TSPAN2: variants seen among roughly 807,000 people sequenced by gnomAD.
TSPAN2 encodes the protein tetraspanin-2.
TSPAN2 carries 24 observed loss-of-function variants against 33.3 expected under a neutral mutation model. The observed-to-expected ratio is 0.72, with a 90% CI of 0.52 to 1.01. The LOEUF is 1.01. TSPAN2 is among the 50% of genes least tolerant of loss of function. The pLI is 0.00. For missense variants in TSPAN2, 278 were observed against 281.3 expected (o/e 0.99, Z 0.08); for synonymous variants, 114 against 104.5 (o/e 1.09, Z -0.56).
At chr1:115,087,477 G>A (rs1337766729) in intron 1 of TSPAN2, among the ~76,000 whole-genome samples, 3 of 151,882 alleles carry the variant, frequency 2.0e-5, no homozygotes, top group Admixed American at 6.6e-5. Context: ...CTAGCCAGAC[G>A]TGGCGGAGGG....
chr1:115,062,398 C>T (rs1343693052), intron 2 of TSPAN2, among the ~76,000 whole-genome samples, 166 bp from the exon 3 acceptor site: 1 of 152,124 alleles, frequency 6.6e-6, no homozygotes, highest in African/African-American at 2.4e-5. Context: ...AAAGGTAAAG[C>T]GATTTGCTTA....
chr1:115,057,755 G>A (rs1647494075), intron 5 of TSPAN2, 147 bp from the exon 6 acceptor site: 1 of 714,348 alleles, frequency 1.4e-6, no homozygotes, highest in Non-Finnish European at 2.5e-6. Flanking sequence ...TCTGGAAGGA[G>A]AGTGAAGAAT....
intron 1 of TSPAN2, among the ~76,000 whole-genome samples, chr1:115,085,407 A>G (rs1400219660): frequency 6.6e-6 from 1 of 152,216 alleles, no homozygotes; most frequent in Non-Finnish European, 1.5e-5. Flanking sequence ...ACTTAAAGCA[A>G]GCTGCCAGAG....
At chr1:115,062,319 G>C (rs1441279873) in intron 2 of TSPAN2, 87 bp from the exon 3 acceptor site, 2 of 985,342 alleles carry the variant, frequency 2.0e-6, no homozygotes, top group Non-Finnish European at 3.1e-6. Flanking sequence ...GCACTGCAGA[G>C]CATTCTAATA....
rs138176459 is a variant in TSPAN2, at chr1:115,066,793, G to A, written c.173-4561C>T. On this transcript the variant is annotated intron_variant, in intron 2 of 7. Coordinates refer to ENST00000369516, the MANE Select transcript of TSPAN2 (RefSeq NM_005725.6). The stretch of plus-strand genomic sequence containing the variant: ...TTGAATGCAACTTAGTTTTTGGGAA[G>A]GGCAAGTGTTTCAGATTTAGGATGT... Among the ~76,000 whole-genome samples the A allele has an allele frequency of 3.8e-3, 575 of 152,240 alleles. 4 individuals carry two copies. Among genetic ancestry groups the A allele is most frequent in the African/African-American group, 0.013 (548 of 41,536 alleles).
intron 1 of TSPAN2, 50 bp from the exon 2 acceptor site, chr1:115,073,057 A>G: frequency 6.6e-7 from 1 of 1,511,684 alleles, no homozygotes; most frequent in Non-Finnish European, 9.2e-7. Flanking sequence ...AAGAGCATGC[A>G]CAGATCCGAG....
At chr1:115,057,920 T>G (rs910439470) in intron 5 of TSPAN2, among the ~76,000 whole-genome samples, 6 of 152,234 alleles carry the variant, frequency 3.9e-5, no homozygotes, top group Non-Finnish European at 1.5e-5. Flanking sequence ...GGGCTTTAGA[T>G]TCCTTCTTTC....
At chr1:115,070,573 A>G (rs958042269) in intron 2 of TSPAN2, among the ~76,000 whole-genome samples, 5 of 150,682 alleles carry the variant, frequency 3.3e-5, no homozygotes, top group East Asian at 3.9e-4. Context: ...ACTGCCCACC[A>G]TGCCCTAGTC....
intron 1 of TSPAN2, among the ~76,000 whole-genome samples, chr1:115,084,049 T>C (rs1648737769): frequency 1.3e-5 from 2 of 152,144 alleles, no homozygotes; most frequent in South Asian, 4.1e-4. Context: ...CTTGATAAAC[T>C]CCAAGCCTCT....
In TSPAN2 at chr1:115,072,953, T is replaced by C; in HGVS notation, c.124A>G (p.Ile42Val). 1.2e-6 allele frequency: 2 copies of C among 1,614,036 alleles called. No homozygotes were observed. Among genetic ancestry groups the C allele is most frequent in the East Asian group, 2.2e-5 (1 of 44,878 alleles). The change falls in exon 2 of 8, where the codon ATA (isoleucine) becomes GTA (valine). Residue 42 changes from isoleucine to valine, a missense_variant. Physicochemically the swap from Ile to Val is conservative, Grantham distance 29. Transcript: ENST00000369516. ...FGLWFRFGGA[I>V]KELSSEDKSP... ...TTGTCCTCTGATGATAACTCCTTTA[T>C]GGCACCTCCGAACCGAAACCATAGT...
chr1:115,050,359 T>C lies in TSPAN2; in HGVS notation c.*131A>G, dbSNP rs936535537. 6.0e-6 allele frequency: 5 copies of C among 834,786 alleles called. No individual in the cohort carries two copies. Among genetic ancestry groups the C allele is most frequent in the African/African-American group, 1.7e-5 (1 of 58,796 alleles). 51.7% of individuals were successfully genotyped at this position (834,786 alleles called of 1,614,324 possible). A position where few individuals can be genotyped will look rare whatever the true frequency, so the allele number is the denominator to read the frequency against. On this transcript the variant is annotated 3_prime_UTR_variant, in exon 8 of 8. Coordinates refer to ENST00000369516, the MANE Select transcript of TSPAN2 (RefSeq NM_005725.6). ...GTAATGAGCCAAACATACGTACTCA[T>C]GCAAATGTACAATTGACAGCAAATT...
At chr1:115,067,702 G>A (rs958511673) in intron 2 of TSPAN2, among the ~76,000 whole-genome samples, 2 of 152,218 alleles carry the variant, frequency 1.3e-5, no homozygotes, top group Non-Finnish European at 2.9e-5. Context: ...GGGAGAGACA[G>A]CTGCAGTCAG....
intron 1 of TSPAN2, 52 bp downstream of exon 1, chr1:115,089,312 G>GCCCCC: frequency 2.2e-6 from 3 of 1,389,164 alleles, no homozygotes; most frequent in Non-Finnish European, 2.9e-6. Flanking sequence ...CCGGCCCCGC[G>GCCCCC]CCCGCCACCC....
intron 1 of TSPAN2, among the ~76,000 whole-genome samples, chr1:115,081,613 T>C (rs1307308222): frequency 1.3e-5 from 2 of 152,326 alleles, no homozygotes; most frequent in South Asian, 2.1e-4. Context: ...TCCTATAATC[T>C]TGGGCAAGCC....
At chr1:115,052,538 A>G (rs1647215615) in intron 7 of TSPAN2, among the ~76,000 whole-genome samples, 1 of 151,996 alleles carries the variant, frequency 6.6e-6, no homozygotes, top group African/African-American at 2.4e-5. Flanking sequence ...GGTGAAGCCC[A>G]CCCTTTCAAA....
At chr1:115,057,506 A>G (rs747688296) in intron 6 of TSPAN2, 31 bp downstream of exon 6, 16 of 1,597,064 alleles carry the variant, frequency 1.0e-5, no homozygotes, top group Non-Finnish European at 1.4e-5. Context: ...ATGATACTAC[A>G]GGTAGAGTAA....
chr1:115,052,881 C>T (rs964703599), intron 7 of TSPAN2, among the ~76,000 whole-genome samples: 10 of 152,054 alleles, frequency 6.6e-5, no homozygotes, highest in Non-Finnish European at 1.3e-4. Context: ...TATTAACAGA[C>T]GAGGAAATTG....
chr1:115,074,844 G>C (rs1470920793), intron 1 of TSPAN2, among the ~76,000 whole-genome samples: 1 of 152,138 alleles, frequency 6.6e-6, no homozygotes, highest in South Asian at 2.1e-4. Context: ...GTAGGAAAGA[G>C]AGCAATGCCC....
chr1:115,078,203 G>A (rs1648491914), intron 1 of TSPAN2, among the ~76,000 whole-genome samples: 1 of 152,168 alleles, frequency 6.6e-6, no homozygotes, highest in Admixed American at 6.5e-5. Flanking sequence ...AGCCTACCAT[G>A]ACCTAGATAG....
Sources: gnomAD v4.1 joint callset for allele counts (sites outside exome capture counted in the v4.1 genomes callset) on GRCh38, gnomAD v4.1.1 for gene constraint, MANE v1.5 for transcripts, NCBI Gene and HGNC (gene_info 2026-07-23, HGNC 2026-07-21) for gene names.